The following HEPHL1 variants were observed in gnomAD, a reference collection of about 807,000 sequenced individuals.
The protein encoded by HEPHL1 is ferroxidase HEPHL1.
In HEPHL1, 123 loss-of-function variants were observed where a neutral mutation model predicts 122.0. That is an observed-to-expected ratio of 1.01 (90% CI 0.87 to 1.17). The LOEUF is 1.17. Among genes scored for constraint, HEPHL1 ranks in the 50% most tolerant of loss-of-function variants. The pLI, the probability that HEPHL1 is intolerant of heterozygous loss-of-function variation, is 0.00. For synonymous variants in HEPHL1, 527 were observed against 508.9 expected, an observed-to-expected ratio of 1.04 and a Z score of -0.48; for missense variants, 1,452 against 1,430.5, an observed-to-expected ratio of 1.01 and a Z score of -0.24.
intron 1 of HEPHL1, among the ~76,000 whole-genome samples, chr11:94,033,221 T>C (rs1945691659): frequency 6.6e-6 from 1 of 152,200 alleles, no homozygotes; most frequent in Non-Finnish European, 1.5e-5. Context: ...TCCTTTTGCC[T>C]TATGCCCCTT....
intron 1 of HEPHL1, among the ~76,000 whole-genome samples, chr11:94,032,576 C>T (rs1197226613): frequency 1.3e-5 from 2 of 152,134 alleles, no homozygotes; most frequent in South Asian, 4.1e-4. Context: ...GGGAGGCATA[C>T]CCAGCAAACT....
At chr11:94,073,518 C>G in intron 8 of HEPHL1, 79 bp downstream of exon 8, 1 of 1,405,374 alleles carries the variant, frequency 7.1e-7, no homozygotes, top group Admixed American at 2.1e-5. Flanking sequence ...TGGTTCAAAT[C>G]CTGGTCCTTT....
intron 11 of HEPHL1, among the ~76,000 whole-genome samples, chr11:94,087,951 A>C (rs1339001318): frequency 6.6e-6 from 1 of 152,224 alleles, no homozygotes; most frequent in Non-Finnish European, 1.5e-5. Context: ...CTCACCTCTA[A>C]AAACAGAGGC....
intron 1 of HEPHL1, among the ~76,000 whole-genome samples, chr11:94,034,133 A>G (rs1945701283): frequency 6.6e-6 from 1 of 152,212 alleles, no homozygotes. Flanking sequence ...GAGGTTGGAG[A>G]GAAAAGCTGT....
rs1390648467 is a variant in HEPHL1 at position 94,104,592 on chromosome 11, G to T, written c.2747G>T (p.Gly916Val). 1 of 1,613,742 alleles carries T rather than the reference G, an allele frequency of 6.2e-7. No homozygotes were observed. The highest frequency in any genetic ancestry group is 1.3e-5 in the African/African-American group (1 of 75,032). The change falls in exon 16 of 20, where the codon GGA (glycine) becomes GTA (valine). Residue 916 changes from glycine (G) to valine (V), a missense_variant. Coordinates refer to ENST00000315765, the MANE Select transcript of HEPHL1 (RefSeq NM_001098672.2). The part of the protein sequence containing the change: ...TCRKGVLNEK[G>V]RRSDVDYEFA... ...CGAAAAGGAGTCTTGAATGAAAAGG[G>T]AAGAAGAAGTGACGTTGATTATGAA...
At chr11:94,058,171 G>T (rs1386507635) in intron 2 of HEPHL1, among the ~76,000 whole-genome samples, 1 of 152,146 alleles carries the variant, frequency 6.6e-6, no homozygotes, top group Non-Finnish European at 1.5e-5. Context: ...TCTGTGAGTG[G>T]TTAGAAAACC....
chr11:94,042,880 A>AAAAAAAAAAAAAAC (rs1042967595), intron 1 of HEPHL1, among the ~76,000 whole-genome samples: 1 of 133,560 alleles, frequency 7.5e-6, no homozygotes, highest in African/African-American at 2.8e-5. Flanking sequence ...TATAATAAAA[A>AAAAAAAAAAAAAAC]AAAAAAAAAA....
intron 2 of HEPHL1, chr11:94,055,861 AT>A: frequency 1.7e-6 from 1 of 597,024 alleles, no homozygotes; most frequent in African/African-American, 1.9e-5. Flanking sequence ...TCTGCCAAAG[AT>A]TTAGCTCTGT....
chr11:94,106,949 A>G (rs2134454688), intron 17 of HEPHL1, among the ~76,000 whole-genome samples: 1 of 152,300 alleles, frequency 6.6e-6, no homozygotes, highest in South Asian at 2.1e-4. Context: ...ACCCTCTAGC[A>G]TCAAGCTGTA....
chr11:94,056,028 A>G, intron 2 of HEPHL1: 1 of 613,060 alleles, frequency 1.6e-6, no homozygotes, highest in African/African-American at 1.9e-5. Context: ...TCTTTAAATT[A>G]AGTCAGTTTT....
Position 94,073,170 on chromosome 11 carries a change from G to A in HEPHL1, c.1372+6G>A. On this transcript the variant is annotated splice_donor_region_variant and intron_variant, in intron 7 of 19. Transcript: ENST00000315765. Reference sequence around the variant, plus strand: ...AGCCCATCTTGGAATTCTTGGTACAGTAAAACCATCCCCCATGCATTGAAC... The same window carrying A: ...AGCCCATCTTGGAATTCTTGGTACAATAAAACCATCCCCCATGCATTGAAC... The A allele has an allele frequency of 6.2e-7, 1 of 1,612,956 alleles. No homozygotes were observed. The highest frequency in any genetic ancestry group is 1.3e-5 in the African/African-American group (1 of 74,990).
At chr11:94,110,851 T>C in intron 17 of HEPHL1, 52 bp from the exon 18 acceptor site, 1 of 1,466,316 alleles carries the variant, frequency 6.8e-7, no homozygotes, top group Non-Finnish European at 9.3e-7. Flanking sequence ...CTGTTCTTGC[T>C]GTTCTGAGCA....
intron 2 of HEPHL1, among the ~76,000 whole-genome samples, chr11:94,052,299 A>C (rs1484300499): frequency 6.6e-6 from 1 of 152,010 alleles, no homozygotes; most frequent in African/African-American, 2.4e-5. Context: ...TTCTTTCATC[A>C]GTGTTTTATA....
chr11:94,104,381 G>C, intron 15 of HEPHL1, 147 bp from the exon 16 acceptor site: 1 of 624,338 alleles, frequency 1.6e-6, no homozygotes, highest in South Asian at 2.0e-5. Context: ...GGATGGGCTG[G>C]AGGTGGGGTG....
chr11:94,048,238 G>T (rs565000869), intron 2 of HEPHL1, among the ~76,000 whole-genome samples: 2 of 152,246 alleles, frequency 1.3e-5, no homozygotes, highest in African/African-American at 4.8e-5. Context: ...ATCTGTTGAT[G>T]AATGCTTTGG....
chr11:94,066,952 A>G (rs1047292307), intron 4 of HEPHL1, among the ~76,000 whole-genome samples: 8 of 152,156 alleles, frequency 5.3e-5, no homozygotes, highest in African/African-American at 7.2e-5. Context: ...TAAAGTAAAC[A>G]AACAAACAAA....
At chr11:94,099,501 C>G (rs976059458) in intron 13 of HEPHL1, among the ~76,000 whole-genome samples, 4 of 152,218 alleles carry the variant, frequency 2.6e-5, no homozygotes, top group Admixed American at 2.0e-4. Context: ...TCTCAGATCT[C>G]AAACTCTGTG....
intron 1 of HEPHL1, among the ~76,000 whole-genome samples, chr11:94,043,087 A>AT (rs2134413770): frequency 6.6e-6 from 1 of 152,248 alleles, no homozygotes; most frequent in East Asian, 1.9e-4. Flanking sequence ...TGCTTAACAC[A>AT]TTTTTTAAAT....
rs74631616 is a variant in HEPHL1, at chr11:94,092,758, A to T, written c.2295-743A>T. Among the ~76,000 whole-genome samples the T allele has an allele frequency of 8.8e-3, 1,344 of 152,226 alleles. 18 individuals carry two copies. Among genetic ancestry groups the T allele is most frequent in the African/African-American group, 0.03 (1,248 of 41,532 alleles). ...AATGCTGTTGAGCTCAGCAATATAT[A>T]TTAAATAAAGTGTGTTTAAAAAGAA... On this transcript the variant is annotated intron_variant, in intron 12 of 19. Transcript: ENST00000315765.
Sources: gnomAD v4.1 joint callset for allele counts (sites outside exome capture counted in the v4.1 genomes callset) on GRCh38, gnomAD v4.1.1 for gene constraint, MANE v1.5 for transcripts, NCBI Gene and HGNC (gene_info 2026-07-23, HGNC 2026-07-21) for gene names.